CTIF: variants seen among roughly 807,000 people sequenced by gnomAD.
CTIF encodes the protein cap binding complex dependent translation initiation factor, also known as CBP80/20-dependent translation initiation factor.
CTIF carries 21 observed loss-of-function variants against 66.0 expected under a neutral mutation model. That is an observed-to-expected ratio of 0.32 (90% CI 0.23 to 0.46). The LOEUF (loss-of-function observed/expected upper bound fraction) is 0.46. Among genes scored for constraint, CTIF ranks in the 20% least tolerant of loss-of-function variants. The probability of loss-of-function intolerance (pLI) is 1.00; values close to 1 mark genes in which losing one functional copy is unlikely to be tolerated. For synonymous variants in CTIF, 345 were observed against 326.4 expected (o/e 1.06, Z -0.62); for missense variants, 739 against 812.7 (o/e 0.91, Z 1.10).
chr18:48,783,590 G>A (rs1262555128), intron 9 of CTIF, among the ~76,000 whole-genome samples: 1 of 152,102 alleles, frequency 6.6e-6, no homozygotes, highest in Admixed American at 6.5e-5. Flanking sequence ...GCCTGGGGAG[G>A]CCTCCGACCC....
At chr18:48,756,462 G>A (rs1908375076) in intron 7 of CTIF, 1 of 152,196 alleles carries the variant, frequency 6.6e-6, no homozygotes, top group Non-Finnish European at 1.5e-5. Flanking sequence ...GCAATAAGTT[G>A]TAAGTAAATA....
chr18:48,603,909 C>A (rs914352619), intron 1 of CTIF, among the ~76,000 whole-genome samples: 1 of 146,596 alleles, frequency 6.8e-6, no homozygotes, highest in Non-Finnish European at 1.5e-5. Flanking sequence ...AGAGCAGAGG[C>A]GCAATCTTGG....
intron 7 of CTIF, among the ~76,000 whole-genome samples, chr18:48,727,843 T>C (rs539162938): frequency 6.6e-6 from 1 of 152,336 alleles, no homozygotes; most frequent in South Asian, 2.1e-4. Flanking sequence ...TGGACTATGC[T>C]TTCCTGAGAG....
Position 48,660,901 on chromosome 18 carries a change from CTCTT to C in CTIF, c.253-2847_253-2844del, listed in dbSNP as rs568508894. On this transcript the variant is annotated intron_variant, in intron 3 of 11. Coordinates refer to ENST00000256413, the MANE Select transcript of CTIF (RefSeq NM_014772.3). ...ATGACCTTCTCTACATAGTTGCTCT[CTCTT>C]TCTATCTCTCCATCCATGTTTCTTA... Among the ~76,000 whole-genome samples, 114 of 152,336 alleles carry C rather than the reference CTCTT, an allele frequency of 7.5e-4. 1 individual carries two copies. Among genetic ancestry groups the C allele is most frequent in the African/African-American group, 2.6e-3 (106 of 41,564 alleles).
intron 2 of CTIF, among the ~76,000 whole-genome samples, chr18:48,633,732 T>C (rs1568090141): frequency 2.6e-5 from 4 of 151,022 alleles, no homozygotes; most frequent in Admixed American, 2.6e-4. Context: ...AATAAATAAA[T>C]AAATAAATGT....
intron 9 of CTIF, among the ~76,000 whole-genome samples, chr18:48,799,143 A>G (rs1236075717): frequency 6.6e-6 from 1 of 152,224 alleles, no homozygotes; most frequent in East Asian, 1.9e-4. Context: ...GGCCAGGATC[A>G]AGCCAGATTT....
chr18:48,736,295 C>T (rs1199146665), intron 7 of CTIF, among the ~76,000 whole-genome samples: 1 of 152,194 alleles, frequency 6.6e-6, no homozygotes. Context: ...GCCTGTGCCT[C>T]TCCAAGTTCT....
Position 48,693,687 on chromosome 18 carries a change from G to A in CTIF, c.508-17932G>A, listed in dbSNP as rs555606614. Among the ~76,000 whole-genome samples, 18 of 152,266 alleles carry A rather than the reference G, an allele frequency of 1.2e-4. No homozygotes were observed. In the East Asian group the frequency reaches 2.9e-3, roughly 25 times the overall value. The stretch of plus-strand genomic sequence containing the variant: ...GAGGGAAGACACTGCTGCCAAATGC[G>A]CCAGGTCTCCAACATGTCTCCAGTG... On this transcript the variant is annotated intron_variant, in intron 6 of 11. Coordinates refer to ENST00000256413, the MANE Select transcript of CTIF (RefSeq NM_014772.3).
intron 1 of CTIF, among the ~76,000 whole-genome samples, chr18:48,547,798 G>T (rs1329218211): frequency 6.6e-6 from 1 of 152,226 alleles, no homozygotes. Context: ...GAAGATAGAT[G>T]TGAGGGTAGC....
intron 10 of CTIF, among the ~76,000 whole-genome samples, chr18:48,821,095 C>T (rs2068474535): frequency 6.6e-6 from 1 of 152,226 alleles, no homozygotes; most frequent in Non-Finnish European, 1.5e-5. Context: ...ATCTCTGCCT[C>T]TCTGTCTTCC....
intron 10 of CTIF, among the ~76,000 whole-genome samples, chr18:48,851,751 G>C (rs1441134750): frequency 6.6e-6 from 1 of 152,038 alleles, no homozygotes; most frequent in African/African-American, 2.4e-5. Flanking sequence ...CCCTTCCTTC[G>C]CATCAGCTCC....
chr18:48,579,027 G>C (rs1039620921), intron 1 of CTIF, among the ~76,000 whole-genome samples: 1 of 151,968 alleles, frequency 6.6e-6, no homozygotes, highest in Non-Finnish European at 1.5e-5. Flanking sequence ...TGTATATGTT[G>C]TGAGCTAGAG....
At chr18:48,779,296 T>A (rs1252436509) in intron 9 of CTIF, among the ~76,000 whole-genome samples, 1 of 152,138 alleles carries the variant, frequency 6.6e-6, no homozygotes, top group African/African-American at 2.4e-5. Context: ...CTTAGACCTT[T>A]GTGGGTGGGG....
intron 10 of CTIF, among the ~76,000 whole-genome samples, chr18:48,846,278 G>A (rs2069069593): frequency 6.6e-6 from 1 of 152,198 alleles, no homozygotes; most frequent in South Asian, 2.1e-4. Context: ...TATGCCTGGA[G>A]TTCTCCACCA....
intron 1 of CTIF, among the ~76,000 whole-genome samples, chr18:48,581,849 G>A (rs1229710385): frequency 6.6e-6 from 1 of 152,166 alleles, no homozygotes; most frequent in Non-Finnish European, 1.5e-5. Flanking sequence ...ACAAGGAAAA[G>A]TGTGATTAAG....
At chr18:48,545,286 G>T (rs1216617912) in intron 1 of CTIF, among the ~76,000 whole-genome samples, 1 of 152,200 alleles carries the variant, frequency 6.6e-6, no homozygotes, top group African/African-American at 2.4e-5. Flanking sequence ...CTGCAGGTAA[G>T]GCATAGAGGA....
At chr18:48,738,384 G>T (rs1258180182) in intron 7 of CTIF, among the ~76,000 whole-genome samples, 1 of 152,178 alleles carries the variant, frequency 6.6e-6, no homozygotes, top group Non-Finnish European at 1.5e-5. Context: ...AAGGGCCAAA[G>T]TCCTTTCAAT....
intron 3 of CTIF, among the ~76,000 whole-genome samples, chr18:48,661,392 T>C (rs996397132): frequency 9.8e-5 from 8 of 81,828 alleles, no homozygotes; most frequent in Admixed American, 3.1e-4. Context: ...TTTGCATGTA[T>C]GATTTTTTTT....
At chr18:48,616,670 C>T (rs959937884) in intron 1 of CTIF, among the ~76,000 whole-genome samples, 4 of 152,180 alleles carry the variant, frequency 2.6e-5, no homozygotes, top group Admixed American at 1.3e-4. Flanking sequence ...CAAGTGCTGA[C>T]GTGTCTGGGA....
Sources: gnomAD v4.1 joint callset for allele counts (sites outside exome capture counted in the v4.1 genomes callset) on GRCh38, gnomAD v4.1.1 for gene constraint, MANE v1.5 for transcripts, NCBI Gene and HGNC (gene_info 2026-07-23, HGNC 2026-07-21) for gene names.